ADGRG4: variants seen among roughly 807,000 people sequenced by gnomAD.
The protein encoded by ADGRG4 is G protein-coupled receptor 112.
ADGRG4 carries 122 observed loss-of-function variants against 126.2 expected under a neutral mutation model. The observed-to-expected ratio is 0.97, with a 90% CI of 0.83 to 1.12. The LOEUF (loss-of-function observed/expected upper bound fraction) is 1.12. Among genes scored for constraint, ADGRG4 ranks in the 50% most tolerant of loss-of-function variants. The pLI, the probability that ADGRG4 is intolerant of heterozygous loss-of-function variation, is 0.00. For missense variants in ADGRG4, 2,481 were observed against 2,251.8 expected, an observed-to-expected ratio of 1.10 and a Z score of -2.06; for synonymous variants, 943 against 838.7, an observed-to-expected ratio of 1.12 and a Z score of -2.15.
intron 15 of ADGRG4, among the ~76,000 whole-genome samples, chrX:136,375,298 A>G (rs1276740710): frequency 1.8e-5 from 2 of 111,885 alleles, no homozygotes; most frequent in African/African-American, 6.5e-5. Flanking sequence ...ATGGACACTT[A>G]GGTTGGTTCC....
rs374060162 is a variant in ADGRG4, at chrX:136,345,297, A to G, written c.1591A>G (p.Asn531Asp). The G allele has an allele frequency of 4.1e-6, 5 of 1,208,824 alleles. No individual in the cohort carries two copies. The highest frequency in any genetic ancestry group is 3.5e-5 in the African/African-American group (2 of 57,201). ...AGCTGAAACAGAATTGACATCTACA[A>G]ATTTTCAGGATGTCTCTTTACCCAG... ...RTAETELTST[N>D]FQDVSLPRVE... Residue 531 changes from asparagine (N) to aspartate (D), a missense_variant, in exon 6 of 26, where the codon AAT (asparagine) becomes GAT (aspartate). By Grantham distance (23) the Asn-to-Asp change is conservative. Transcript: ENST00000394143.
At chrX:136,365,163 A>G (rs995294400) in intron 13 of ADGRG4, among the ~76,000 whole-genome samples, 3 of 112,042 alleles carry the variant, frequency 2.7e-5, no homozygotes, top group African/African-American at 9.7e-5. Context: ...TCGCTCATTT[A>G]ATGTGTACAA....
rs909308725 is a variant in ADGRG4, at chrX:136,385,824, C to T, written c.7777-1916C>T. Among the ~76,000 whole-genome samples, 3 of 111,825 alleles carry T rather than the reference C, an allele frequency of 2.7e-5. No homozygotes were observed. In the Admixed American group the frequency reaches 2.8e-4, roughly 11 times the overall value. On this transcript the variant is annotated intron_variant, in intron 15 of 25. Coordinates refer to ENST00000394143, the MANE Select transcript of ADGRG4 (RefSeq NM_153834.4). The stretch of plus-strand genomic sequence containing the variant: ...TTGGCAGTTCAAATCTCAGTTAATT[C>T]CTTTATTCTTAGTGGAAGTATGTCC...
chrX:136,407,448 A>G (rs1190880465), intron 23 of ADGRG4, among the ~76,000 whole-genome samples: 3 of 111,979 alleles, frequency 2.7e-5, no homozygotes, highest in Non-Finnish European at 5.6e-5. Flanking sequence ...AAATAAATTG[A>G]CATGCAGTTA....
At position 136,345,144 on chromosome X, in the gene ADGRG4, G is replaced by C. The variant is rs746642600; in HGVS notation, c.1438G>C (p.Val480Leu). ...TGTGCTCATCTCCACAGCTGCTCCA[G>C]TAGATTCTGTATTTCCTAGAAACCA... ...EPVLISTAAP[V>L]DSVFPRNQTA... Residue 480 changes from valine to leucine, a missense_variant, in exon 6 of 26, where the codon GTA (valine) becomes CTA (leucine). Transcript: ENST00000394143. 17 of 1,211,224 alleles carry C rather than the reference G, an allele frequency of 1.4e-5. No homozygotes were observed. Among genetic ancestry groups the C allele is most frequent in the Non-Finnish European group, 1.9e-5 (17 of 895,145 alleles).
Position 136,399,900 on chromosome X carries a change from C to T in ADGRG4, c.8359C>T (p.Leu2787=). The T allele has an allele frequency of 8.3e-7, 1 of 1,207,654 alleles. No homozygotes were observed. Among genetic ancestry groups the T allele is most frequent in the Non-Finnish European group, 1.1e-6 (1 of 892,067 alleles). Residue 2787 remains leucine, a synonymous_variant, in exon 21 of 26, where the codon CTA becomes TTA. Coordinates refer to ENST00000394143, the MANE Select transcript of ADGRG4 (RefSeq NM_153834.4). ...AATTCTGATCAACCTGTGCACAGCA[C>T]TACTGATGCTAAACCTGGTATTTTT... ...AKILINLCTA[L]LMLNLVFLIN... is the part of the protein sequence containing the mutation.
chrX:136,415,485 A>G (rs2075470843), intron 25 of ADGRG4, among the ~76,000 whole-genome samples: 1 of 111,204 alleles, frequency 9.0e-6, no homozygotes, highest in South Asian at 3.8e-4. Flanking sequence ...GGGCAACGCT[A>G]TTTTCCAGTT....
chrX:136,339,569 C>T (rs2074967487), intron 5 of ADGRG4, among the ~76,000 whole-genome samples: 1 of 112,230 alleles, frequency 8.9e-6, no homozygotes, highest in African/African-American at 3.2e-5. Flanking sequence ...CTTGGACTGA[C>T]TTCTGTTTCT....
rs1239287726 is a variant in ADGRG4, at chrX:136,345,423, A to G, written c.1717A>G (p.Thr573Ala). 1.7e-6 allele frequency: 2 copies of G among 1,208,452 alleles called. No homozygotes were observed. Among genetic ancestry groups the G allele is most frequent in the Admixed American group, 4.4e-5 (2 of 45,958 alleles). Residue 573 changes from threonine (T) to alanine (A), a missense_variant, in exon 6 of 26, where the codon ACA (threonine) becomes GCA (alanine). Transcript: ENST00000394143. Reference protein sequence around the residue: ...FSFTGTESVQTVIDAEATRTA... With the variant: ...FSFTGTESVQAVIDAEATRTA... ...ATTTACTGGGACTGAGAGTGTACAGACAGTTATTGATGCTGAAGCTACACG... is the reference window on the plus strand; with the variant it reads ...ATTTACTGGGACTGAGAGTGTACAGGCAGTTATTGATGCTGAAGCTACACG...
intron 14 of ADGRG4, 131 bp from the exon 15 acceptor site, chrX:136,372,771 A>T (rs2075202470): frequency 1.1e-5 from 7 of 609,116 alleles, no homozygotes; most frequent in Non-Finnish European, 1.8e-5. Context: ...CTCTTATTTA[A>T]TAATTCCTAA....
At chrX:136,366,887 C>T (rs888052394) in intron 13 of ADGRG4, among the ~76,000 whole-genome samples, 39 of 75,116 alleles carry the variant, frequency 5.2e-4, no homozygotes, top group Non-Finnish European at 7.7e-4. Flanking sequence ...AAAATTCATA[C>T]GTTGAAATTC....
intron 15 of ADGRG4, among the ~76,000 whole-genome samples, chrX:136,383,439 G>T (rs1268916316): frequency 2.7e-5 from 3 of 110,921 alleles, no homozygotes; most frequent in Non-Finnish European, 5.7e-5. Flanking sequence ...ATTTTATCTG[G>T]TTTGAATATA....
intron 15 of ADGRG4, among the ~76,000 whole-genome samples, chrX:136,383,813 CCTTTCTTTCTTTCTTTCTTTCTTT>C (rs373849599): frequency 1.8e-3 from 108 of 59,603 alleles, no homozygotes; most frequent in Middle Eastern, 7.9e-3. Context: ...TATATATTTG[CCTTTCTTTCTTTCTTTCTTTCTTT>C]CTTTCTTTCT....
chrX:136,399,545 A>G (rs1429112363), intron 20 of ADGRG4, among the ~76,000 whole-genome samples: 1 of 110,247 alleles, frequency 9.1e-6, no homozygotes, highest in African/African-American at 3.3e-5. Flanking sequence ...CAGCCTGCTG[A>G]AGCAGTGGTG....
chrX:136,381,181 A>AT (rs1401518218), intron 15 of ADGRG4, among the ~76,000 whole-genome samples: 8 of 111,047 alleles, frequency 7.2e-5, no homozygotes, highest in Non-Finnish European at 1.3e-4. Context: ...AATATTTTAT[A>AT]TTTTTTTTAG....
At position 136,351,454 on chromosome X, in the gene ADGRG4, C is replaced by A; in HGVS notation, c.6735C>A (p.Phe2245Leu). Residue 2245 changes from phenylalanine (F) to leucine (L), a missense_variant, in exon 7 of 26, where the codon TTC becomes TTA. Physicochemically the swap from Phe to Leu is conservative, Grantham distance 22 (BLOSUM62 0). Transcript: ENST00000394143. ...CCTTATTTTTAATTACAGTTTCCTT[C>A]TACAATGTTGAAATGAGCTTCTCTG... is the stretch of plus-strand genomic sequence containing the variant. ...SPTATKSTVS[F>L]YNVEMSFSVF... is the part of the protein sequence containing the mutation. 1 of 1,106,374 alleles carries A rather than the reference C, an allele frequency of 9.0e-7. No individual in the cohort carries two copies. Among genetic ancestry groups the A allele is most frequent in the Non-Finnish European group, 1.2e-6 (1 of 820,387 alleles). The allele number at this position is 1,106,374 out of a possible 1,213,427, so 91.2% of individuals were successfully genotyped here.
chrX:136,392,048 T>C (rs2075322341), intron 16 of ADGRG4, among the ~76,000 whole-genome samples, 184 bp from the exon 17 acceptor site: 2 of 112,575 alleles, frequency 1.8e-5, no homozygotes, highest in Admixed American at 1.9e-4. Context: ...TCTAGCTTGG[T>C]ATAATGGAGA....
At chrX:136,396,130 G>T (rs2075345591) in intron 19 of ADGRG4, among the ~76,000 whole-genome samples, 1 of 110,148 alleles carries the variant, frequency 9.1e-6, no homozygotes, top group Non-Finnish European at 1.9e-5. Flanking sequence ...CTGGATTAAA[G>T]GGTCTGGTCA....
chrX:136,337,071 C>A (rs2074952199), intron 5 of ADGRG4, among the ~76,000 whole-genome samples: 1 of 110,908 alleles, frequency 9.0e-6, no homozygotes, highest in Admixed American at 9.6e-5. Flanking sequence ...CTCAAGTAAT[C>A]CTCCTGTCTC....
Sources: allele counts gnomAD v4.1 joint callset (sites outside exome capture counted in the v4.1 genomes callset), GRCh38; gene constraint gnomAD v4.1.1; transcripts MANE v1.5; gene names NCBI Gene and HGNC (gene_info 2026-07-23, HGNC 2026-07-21).